PCDHGA8: variants seen among roughly 807,000 people sequenced by gnomAD.
The protein encoded by PCDHGA8 is protocadherin gamma subfamily A, 8.
PCDHGA8 carries 45 observed loss-of-function variants against 59.2 expected under a neutral mutation model. The observed-to-expected ratio is 0.76, with a 90% CI of 0.60 to 0.98. The LOEUF is 0.98. Ranked by LOEUF, PCDHGA8 falls within the 50% of genes least tolerant of loss-of-function variation. PCDHGA8 has a pLI of 0.00. For missense variants in PCDHGA8, 1,257 were observed against 1,196.2 expected (o/e 1.05, Z -0.75); for synonymous variants, 531 against 519.0 (o/e 1.02, Z -0.32).
At chr5:141,450,986 G>A (rs950903600) in intron 1 of PCDHGA8, among the ~76,000 whole-genome samples, 15 of 151,310 alleles carry the variant, frequency 9.9e-5, no homozygotes, top group Non-Finnish European at 1.3e-4. Context: ...CACCACACCC[G>A]GCTAATTTTT....
intron 2 of PCDHGA8, among the ~76,000 whole-genome samples, chr5:141,495,175 C>A (rs1337353259): frequency 6.6e-6 from 1 of 152,300 alleles, no homozygotes; most frequent in Middle Eastern, 3.4e-3. Flanking sequence ...TGGGTGAAAG[C>A]GAGGCTTTCT....
chr5:141,421,902 C>A (rs1218675162), intron 1 of PCDHGA8: 1 of 1,613,706 alleles, frequency 6.2e-7, no homozygotes, highest in East Asian at 2.2e-5. Context: ...TCCGAAAGGG[C>A]GCAGTTCCCA....
rs377367120 is a variant in PCDHGA8, at chr5:141,431,614, C to A, written c.2424+36377C>A. On this transcript the variant is annotated intron_variant, in intron 1 of 3. Transcript: ENST00000398604. The surrounding 1 kb of genome is among the most constrained non-coding windows in gnomAD (Gnocchi z 4.8). ...TGAGGTATTCCTTCCGGTATGTGGA[C>A]GACAAGGCGGCCCAAGTTTTCAAAC... The A allele has an allele frequency of 8.7e-6, 14 of 1,614,206 alleles. No individual in the cohort carries two copies. In the African/African-American group the frequency reaches 1.6e-4, roughly 18 times the overall value.
In PCDHGA8 at chr5:141,450,548, G is replaced by A. The variant is rs186010209; in HGVS notation, c.2425-44259G>A. 3.3e-4 allele frequency among the ~76,000 whole-genome samples: 50 copies of A among 151,716 alleles called. 1 individual carries two copies. Among genetic ancestry groups the A allele is most frequent in the African/African-American group, 9.9e-4 (41 of 41,366 alleles). On this transcript the variant is annotated intron_variant, in intron 1 of 3. Transcript: ENST00000398604. ...GTCACCCAGGCTGGAATGCAGTGGC[G>A]CAGTCTCGGCTCACTGCAACTTCTG... is the stretch of plus-strand genomic sequence containing the variant.
In PCDHGA8 at chr5:141,481,831, G is replaced by A. The variant is rs35816779; in HGVS notation, c.2425-12976G>A. On this transcript the variant is annotated intron_variant, in intron 1 of 3. Coordinates refer to ENST00000398604, the MANE Select transcript of PCDHGA8 (RefSeq NM_032088.2). ...ACCAGGCGTGGTGGCTGAGGCAGGAGAATCGCTTGATGGTGGAGGTTGCAG... is the reference window on the plus strand; with the variant it reads ...ACCAGGCGTGGTGGCTGAGGCAGGAAAATCGCTTGATGGTGGAGGTTGCAG... Among the ~76,000 whole-genome samples the A allele has an allele frequency of 1.9e-3, 280 of 149,560 alleles. 1 individual carries two copies. The highest frequency in any genetic ancestry group is 0.01 in the Middle Eastern group (3 of 290).
intron 1 of PCDHGA8, chr5:141,399,841 G>C: frequency 6.2e-7 from 1 of 1,613,086 alleles, no homozygotes; most frequent in Non-Finnish European, 8.5e-7. Context: ...TGCGCTCTTC[G>C]ATATGGTGCC....
At position 141,489,861 on chromosome 5, in the gene PCDHGA8, A is replaced by G. The variant is rs1221756350; in HGVS notation, c.2425-4946A>G. The G allele has an allele frequency of 1.2e-5, 19 of 1,614,058 alleles. No individual in the cohort carries two copies. Among genetic ancestry groups the G allele is most frequent in the Non-Finnish European group, 1.5e-5 (18 of 1,179,998 alleles). On this transcript the variant is annotated intron_variant, in intron 1 of 3. Transcript: ENST00000398604. The surrounding 1 kb of genome is among the most constrained non-coding windows in gnomAD (Gnocchi z 4.5). ...AGCTGGATCGTGAAGCCCAGGCAAGACATCAGCTGGTGCTTACTGCTGTGG... is the reference window on the plus strand; with the variant it reads ...AGCTGGATCGTGAAGCCCAGGCAAGGCATCAGCTGGTGCTTACTGCTGTGG...
intron 1 of PCDHGA8, chr5:141,442,419 T>TG (rs1214499832): frequency 1.3e-5 from 2 of 152,192 alleles, no homozygotes; most frequent in African/African-American, 4.8e-5. Context: ...AGTGAACTTC[T>TG]TTTTTGAATC....
intron 1 of PCDHGA8, chr5:141,408,475 CCGT>C: frequency 6.2e-7 from 1 of 1,614,032 alleles, no homozygotes; most frequent in Non-Finnish European, 8.5e-7. Context: ...ACCGAATAGA[CCGT>C]GAGCAAATAT....
In PCDHGA8 at chr5:141,485,269, C is replaced by T. The variant is rs760197007; in HGVS notation, c.2425-9538C>T. The T allele has an allele frequency of 6.2e-7, 1 of 1,614,090 alleles. No homozygotes were observed. Among genetic ancestry groups the T allele is most frequent in the Admixed American group, 1.7e-5 (1 of 60,028 alleles). On this transcript the variant is annotated intron_variant, in intron 1 of 3. Transcript: ENST00000398604. The surrounding 1 kb of genome is among the most constrained non-coding windows in gnomAD (Gnocchi z 5.7). ...TGGGTTACGTTTGTGGGCAGATCCG[C>T]TACCCGGTCCCAGAGGAGTCACAGG... is the stretch of plus-strand genomic sequence containing the variant.
At chr5:141,419,086 C>G (rs2096324558) in intron 1 of PCDHGA8, 1 of 1,613,808 alleles carries the variant, frequency 6.2e-7, no homozygotes, top group African/African-American at 1.3e-5. Context: ...CAGATGAGGC[C>G]CTGGATCGGG....
At chr5:141,409,954 C>T (rs774233531) in intron 1 of PCDHGA8, 3 of 1,613,356 alleles carry the variant, frequency 1.9e-6, no homozygotes, top group South Asian at 1.1e-5. Flanking sequence ...CTGCAGAGCC[C>T]GGCTACCTAG....
At chr5:141,455,634 G>T (rs1429708887) in intron 1 of PCDHGA8, among the ~76,000 whole-genome samples, 1 of 152,110 alleles carries the variant, frequency 6.6e-6, no homozygotes, top group African/African-American at 2.4e-5. Context: ...GAGATATGTG[G>T]GGGGCAGCCA....
At chr5:141,437,047 G>C (rs2097860477) in intron 1 of PCDHGA8, among the ~76,000 whole-genome samples, 1 of 152,214 alleles carries the variant, frequency 6.6e-6, no homozygotes, top group Admixed American at 6.5e-5. Context: ...AAACCAGAAG[G>C]CTGGTGATCA....
At chr5:141,460,961 A>ATATGTGTG (rs1463306338) in intron 1 of PCDHGA8, among the ~76,000 whole-genome samples, 3 of 144,556 alleles carry the variant, frequency 2.1e-5, no homozygotes, top group African/African-American at 7.8e-5. Context: ...GTATATATAT[A>ATATGTGTG]TGTGTGTGTG....
intron 1 of PCDHGA8, among the ~76,000 whole-genome samples, chr5:141,473,096 G>A (rs1007912058): frequency 9.9e-5 from 15 of 152,058 alleles, no homozygotes; most frequent in African/African-American, 3.6e-4. Context: ...ACTGTGAGTT[G>A]TATTACCACA....
intron 1 of PCDHGA8, among the ~76,000 whole-genome samples, chr5:141,481,692 G>T (rs1231630072): frequency 6.6e-6 from 1 of 152,020 alleles, no homozygotes; most frequent in African/African-American, 2.4e-5. Context: ...GGTGGCTCAC[G>T]CCTGTAATCC....
At position 141,477,530 on chromosome 5, in the gene PCDHGA8, C is replaced by A; in HGVS notation, c.2425-17277C>A. The A allele has an allele frequency of 6.2e-7, 1 of 1,614,186 alleles. No homozygotes were observed. The highest frequency in any genetic ancestry group is 1.1e-5 in the South Asian group (1 of 91,082). ...CGTTTACATTGAAGAAAACAACCTCCCCGGGGCTCCAATACTAAACCTAAG... is the reference window on the plus strand; with the variant it reads ...CGTTTACATTGAAGAAAACAACCTCACCGGGGCTCCAATACTAAACCTAAG... On this transcript the variant is annotated intron_variant, in intron 1 of 3. Coordinates refer to ENST00000398604, the MANE Select transcript of PCDHGA8 (RefSeq NM_032088.2). The surrounding 1 kb of genome is among the most constrained non-coding windows in gnomAD (Gnocchi z 4.9).
intron 1 of PCDHGA8, among the ~76,000 whole-genome samples, chr5:141,397,514 A>G (rs537343615): frequency 1.3e-5 from 2 of 152,324 alleles, no homozygotes; most frequent in Non-Finnish European, 2.9e-5. Context: ...TTGTTTCCAT[A>G]GCTAATAAAA....
Sources: gnomAD v4.1 joint callset for allele counts (sites outside exome capture counted in the v4.1 genomes callset) on GRCh38, gnomAD v4.1.1 for gene constraint, Gnocchi (gnomAD v3.1) non-coding constraint, MANE v1.5 for transcripts, NCBI Gene and HGNC (gene_info 2026-07-23, HGNC 2026-07-21) for gene names.